The following CCDC83 variants were observed in gnomAD, a reference collection of about 807,000 sequenced individuals.
CCDC83 encodes the protein coiled-coil domain-containing protein 83.
In CCDC83, 54 loss-of-function variants were observed where a neutral mutation model predicts 50.1. The ratio of observed to expected loss-of-function variants is 1.08; its 90% CI spans 0.87 to 1.35. The LOEUF (loss-of-function observed/expected upper bound fraction) is 1.35. CCDC83 is among the 40% of genes most tolerant of loss of function. The pLI is 0.00. For missense variants in CCDC83, 518 were observed against 473.9 expected (o/e 1.09, Z -0.86); for synonymous variants, 161 against 153.3 (o/e 1.05, Z -0.37).
At chr11:85,891,580 G>T (rs1407019150) in intron 5 of CCDC83, among the ~76,000 whole-genome samples, 1 of 152,152 alleles carries the variant, frequency 6.6e-6, no homozygotes, top group East Asian at 1.9e-4. Flanking sequence ...ACAGGACAGG[G>T]ATTCTTAAAA....
intron 2 of CCDC83, among the ~76,000 whole-genome samples, chr11:85,865,576 G>T (rs1228115908): frequency 1.3e-5 from 2 of 152,134 alleles, no homozygotes; most frequent in African/African-American, 4.8e-5. Context: ...AACACAGAAT[G>T]GTTAGTTTAC....
chr11:85,891,658 G>A (rs2093350892), intron 5 of CCDC83, among the ~76,000 whole-genome samples: 1 of 152,130 alleles, frequency 6.6e-6, no homozygotes, highest in Non-Finnish European at 1.5e-5. Flanking sequence ...AAGTAACATT[G>A]TTTCTTTGAA....
At chr11:85,905,537 G>A (rs1460710292) in intron 7 of CCDC83, among the ~76,000 whole-genome samples, 1 of 151,890 alleles carries the variant, frequency 6.6e-6, no homozygotes, top group Non-Finnish European at 1.5e-5. Flanking sequence ...TTGAACCCGG[G>A]AGGTGGAGGT....
chr11:85,887,698 T>C (rs942940809), intron 5 of CCDC83, among the ~76,000 whole-genome samples: 21 of 151,952 alleles, frequency 1.4e-4, no homozygotes, highest in African/African-American at 5.1e-4. Context: ...ATGCTATAAA[T>C]ATGATGTCTT....
At chr11:85,865,487 T>TA (rs2093201636) in intron 2 of CCDC83, among the ~76,000 whole-genome samples, 1 of 152,270 alleles carries the variant, frequency 6.6e-6, no homozygotes, top group Non-Finnish European at 1.5e-5. Flanking sequence ...TTCATTGATG[T>TA]ACTATTGGCT....
chr11:85,863,736 T>C (rs1000126186), intron 1 of CCDC83, among the ~76,000 whole-genome samples: 5 of 152,188 alleles, frequency 3.3e-5, no homozygotes, highest in Non-Finnish European at 5.9e-5. Flanking sequence ...TCAATGAAGG[T>C]TGACAACAGC....
At chr11:85,901,984 T>C (rs2093404570) in intron 7 of CCDC83, among the ~76,000 whole-genome samples, 1 of 151,748 alleles carries the variant, frequency 6.6e-6, no homozygotes, top group South Asian at 2.1e-4. Flanking sequence ...TGAGCTATGA[T>C]CGCACCATTG....
intron 3 of CCDC83, among the ~76,000 whole-genome samples, chr11:85,877,512 A>G (rs2093275986): frequency 6.6e-6 from 1 of 152,224 alleles, no homozygotes; most frequent in African/African-American, 2.4e-5. Flanking sequence ...AATTTTGTAA[A>G]TGAAAAATAT....
intron 1 of CCDC83, among the ~76,000 whole-genome samples, chr11:85,860,692 C>T (rs541260805): frequency 7.8e-4 from 119 of 152,312 alleles, no homozygotes; most frequent in Non-Finnish European, 1.5e-3. Context: ...GACTCATGTT[C>T]ATCGCAGCAC....
intron 8 of CCDC83, among the ~76,000 whole-genome samples, chr11:85,914,228 C>T (rs1489676529): frequency 2.6e-5 from 4 of 152,190 alleles, no homozygotes; most frequent in Admixed American, 6.5e-5. Context: ...TAACTCACAG[C>T]CCCTAATTTA....
chr11:85,877,404 G>A (rs2135017469), intron 3 of CCDC83, among the ~76,000 whole-genome samples: 1 of 152,312 alleles, frequency 6.6e-6, no homozygotes, highest in East Asian at 1.9e-4. Context: ...CCAGGAGTTT[G>A]AGGTTACAGT....
intron 6 of CCDC83, 44 bp downstream of exon 6, chr11:85,895,428 C>A: frequency 8.0e-7 from 1 of 1,251,708 alleles, no homozygotes; most frequent in Non-Finnish European, 1.1e-6. Context: ...CAAACATTTT[C>A]CCCCTATTTT....
intron 5 of CCDC83, among the ~76,000 whole-genome samples, chr11:85,893,214 C>T (rs753740169): frequency 5.3e-5 from 8 of 152,294 alleles, no homozygotes; most frequent in South Asian, 2.1e-4. Flanking sequence ...TTTTTTGGCA[C>T]GTATTGTGTC....
chr11:85,882,747 C>A, intron 4 of CCDC83, 72 bp downstream of exon 4: 1 of 1,366,520 alleles, frequency 7.3e-7, no homozygotes, highest in Non-Finnish European at 1.0e-6. Flanking sequence ...ATGCTTTATT[C>A]TTCCAATATG....
Position 85,919,384 on chromosome 11 carries a change from T to A in CCDC83, c.1116T>A (p.Leu372=). 2 of 1,613,004 alleles carry A rather than the reference T, an allele frequency of 1.2e-6. No homozygotes were observed. Among genetic ancestry groups the A allele is most frequent in the East Asian group, 4.5e-5 (2 of 44,880 alleles). ...YVNLGPLGVK[L]MSVESKKMPI... is the part of the protein sequence containing the mutation. ...ACTTGGGCCCCCTGGGAGTGAAGCT[T>A]ATGAGTGTGGAGAGCAAGAAAATGC... Residue 372 remains leucine, a synonymous_variant, in exon 11 of 11, where the codon CTT becomes CTA. Transcript: ENST00000342404.
intron 7 of CCDC83, among the ~76,000 whole-genome samples, chr11:85,900,648 A>C (rs2093397058): frequency 1.3e-5 from 2 of 152,268 alleles, no homozygotes; most frequent in Non-Finnish European, 2.9e-5. Flanking sequence ...TACATTTGGC[A>C]CAACAGAAGA....
intron 7 of CCDC83, among the ~76,000 whole-genome samples, chr11:85,901,839 GGCAACATA>G (rs1332630600): frequency 2.0e-5 from 3 of 151,114 alleles, no homozygotes; most frequent in Non-Finnish European, 4.4e-5. Flanking sequence ...GACCAGACTA[GGCAACATA>G]GCAAGATCCC....
chr11:85,915,435 C>G lies in CCDC83; in HGVS notation c.811C>G (p.Gln271Glu). Residue 271 changes from glutamine to glutamate, a missense_variant, in exon 9 of 11, where the codon CAA becomes GAA. Gln to Glu is a conservative substitution (Grantham distance 29). Coordinates refer to ENST00000342404, the MANE Select transcript of CCDC83 (RefSeq NM_001286159.2). ...LKIPRRLYLT[Q>E]AAGLEVPPEE... is the part of the protein sequence containing the mutation. ...TTCTTTTAGGCGACTATATCTTACCCAAGCTGCTGGACTAGAAGTGCCACC... is the reference window on the plus strand; with the variant it reads ...TTCTTTTAGGCGACTATATCTTACCGAAGCTGCTGGACTAGAAGTGCCACC... 1 of 1,612,860 alleles carries G rather than the reference C, an allele frequency of 6.2e-7. No individual in the cohort carries two copies. The highest frequency in any genetic ancestry group is 8.5e-7 in the Non-Finnish European group (1 of 1,179,394).
intron 7 of CCDC83, among the ~76,000 whole-genome samples, chr11:85,905,969 CAAAAAAAAA>C (rs760367430): frequency 2.1e-5 from 1 of 47,644 alleles, no homozygotes; most frequent in African/African-American, 7.2e-5. Context: ...GACTCCGTCT[CAAAAAAAAA>C]AAAAAAAAAA....
Sources: gnomAD v4.1 joint callset for allele counts (sites outside exome capture counted in the v4.1 genomes callset) on GRCh38, gnomAD v4.1.1 for gene constraint, MANE v1.5 for transcripts, NCBI Gene and HGNC (gene_info 2026-07-23, HGNC 2026-07-21) for gene names.